NBEAL1: variants seen among roughly 807,000 people sequenced by gnomAD.
NBEAL1 encodes the protein neurobeachin like 1, also known as neurobeachin-like protein 1.
A neutral mutation model predicts 351.3 loss-of-function variants in NBEAL1; 273 were observed. The observed-to-expected ratio is 0.78, with a 90% CI of 0.70 to 0.86. The LOEUF (loss-of-function observed/expected upper bound fraction) is 0.86, where lower values mean the gene tolerates loss of function less well. NBEAL1 is among the 40% of genes least tolerant of loss of function. The pLI is 0.00. For missense variants in NBEAL1, 2,961 were observed against 3,201.3 expected, an observed-to-expected ratio of 0.92 and a Z score of 1.81; for synonymous variants, 1,050 against 1,086.4, an observed-to-expected ratio of 0.97 and a Z score of 0.66.
intron 6 of NBEAL1, among the ~76,000 whole-genome samples, chr2:203,064,701 A>T (rs2061553189): frequency 6.6e-6 from 1 of 152,206 alleles, no homozygotes; most frequent in African/African-American, 2.4e-5. Flanking sequence ...AATGTTTCAG[A>T]TTAAAAGAGG....
At chr2:203,193,135 C>A (rs1473001267) in intron 46 of NBEAL1, among the ~76,000 whole-genome samples, 2 of 151,782 alleles carry the variant, frequency 1.3e-5, no homozygotes, top group East Asian at 1.9e-4. Flanking sequence ...CTACGCCTGA[C>A]CAATTTTTGT....
chr2:203,160,476 A>G (rs1000343910), intron 36 of NBEAL1, among the ~76,000 whole-genome samples: 2 of 152,078 alleles, frequency 1.3e-5, no homozygotes, highest in Non-Finnish European at 2.9e-5. Flanking sequence ...TTCTTTAAAC[A>G]TAGTTTCCTT....
At chr2:203,055,051 G>T (rs2061383577) in intron 4 of NBEAL1, among the ~76,000 whole-genome samples, 1 of 152,170 alleles carries the variant, frequency 6.6e-6, no homozygotes, top group Non-Finnish European at 1.5e-5. Context: ...GGATCTAAAT[G>T]CAGGTCTCAT....
At chr2:203,174,888 A>AATAT (rs2064447082) in intron 41 of NBEAL1, among the ~76,000 whole-genome samples, 3 of 151,004 alleles carry the variant, frequency 2.0e-5, no homozygotes, top group African/African-American at 7.3e-5. Flanking sequence ...TAAATAAATA[A>AATAT]ATAAATAAAA....
chr2:203,107,401 T>G lies in NBEAL1; in HGVS notation c.1270-19T>G. The G allele has an allele frequency of 7.8e-7, 1 of 1,285,540 alleles. No homozygotes were observed. Among genetic ancestry groups the G allele is most frequent in the Non-Finnish European group, 1.1e-6 (1 of 914,792 alleles). 79.6% of individuals were successfully genotyped at this position (1,285,540 alleles called of 1,614,324 possible). Reference sequence around the variant, plus strand: ...GTCTTTGAAAATGTACTTTGATATATTGTCTTCCCATCCCCTAGGAAGTAT... The same window carrying G: ...GTCTTTGAAAATGTACTTTGATATAGTGTCTTCCCATCCCCTAGGAAGTAT... On this transcript the variant is annotated intron_variant, in intron 12 of 55. Coordinates refer to ENST00000683969, the MANE Select transcript of NBEAL1 (RefSeq NM_001378026.1).
chr2:203,083,263 T>C lies in NBEAL1; in HGVS notation c.729T>C (p.Leu243=). The C allele has an allele frequency of 1.3e-6, 2 of 1,552,138 alleles. No individual in the cohort carries two copies. The highest frequency in any genetic ancestry group is 1.7e-6 in the Non-Finnish European group (2 of 1,147,106). ...QAISPATMEV[L]MRVLADCDSW... is the part of the protein sequence containing the mutation. ...TTTCTCCAGCCACTATGGAAGTTCTTATGCGAGTATTGGCAGATTGTGATT... is the reference window on the plus strand; with the variant it reads ...TTTCTCCAGCCACTATGGAAGTTCTCATGCGAGTATTGGCAGATTGTGATT... Residue 243 remains leucine, a synonymous_variant, in exon 9 of 56, where the codon CTT becomes CTC. Transcript: ENST00000683969.
At chr2:203,075,985 T>C (rs747560591) in intron 7 of NBEAL1, among the ~76,000 whole-genome samples, 20 of 152,226 alleles carry the variant, frequency 1.3e-4, no homozygotes, top group Non-Finnish European at 2.5e-4. Flanking sequence ...TAACATTTGT[T>C]ATTGGAAATA....
chr2:203,027,865 C>T (rs922121023), intron 2 of NBEAL1, among the ~76,000 whole-genome samples: 1 of 151,890 alleles, frequency 6.6e-6, no homozygotes. Flanking sequence ...GTGTGTGCCA[C>T]CACACCTGGC....
At chr2:203,105,198 C>T (rs1375827277) in intron 12 of NBEAL1, among the ~76,000 whole-genome samples, 3 of 151,864 alleles carry the variant, frequency 2.0e-5, no homozygotes, top group African/African-American at 7.2e-5. Context: ...CGCAGTCGCT[C>T]ACACCTGTGA....
chr2:203,181,693 C>T (rs1239358396), intron 43 of NBEAL1: 1 of 152,068 alleles, frequency 6.6e-6, no homozygotes, highest in East Asian at 1.9e-4. Flanking sequence ...ATTTGTCATA[C>T]TGTGGAGAAT....
In NBEAL1 at chr2:203,167,216, T is replaced by C. The variant is rs1161498596; in HGVS notation, c.5864-11T>C. ...ATGGTATCTCAGTCACAAGATTTCT[T>C]CCGTTTTCAGGAGTAGGCTTTGATT... On this transcript the variant is annotated splice_polypyrimidine_tract_variant and intron_variant, in intron 37 of 55. Transcript: ENST00000683969. 1.3e-6 allele frequency: 2 copies of C among 1,598,554 alleles called. No homozygotes were observed. The highest frequency in any genetic ancestry group is 1.4e-5 in the African/African-American group (1 of 74,016).
chr2:203,096,248 G>A (rs572246861), intron 10 of NBEAL1, among the ~76,000 whole-genome samples: 1 of 152,084 alleles, frequency 6.6e-6, no homozygotes, highest in African/African-American at 2.4e-5. Context: ...TCAAACTCAG[G>A]TCTCTGATTC....
chr2:203,052,832 C>T (rs1264496252), intron 4 of NBEAL1, among the ~76,000 whole-genome samples: 4 of 151,774 alleles, frequency 2.6e-5, no homozygotes, highest in East Asian at 1.9e-4. Flanking sequence ...GTGATCCTTC[C>T]GCCTTGACCT....
At chr2:203,171,446 A>G (rs1206628983) in intron 39 of NBEAL1, among the ~76,000 whole-genome samples, 1 of 152,080 alleles carries the variant, frequency 6.6e-6, no homozygotes, top group Non-Finnish European at 1.5e-5. Flanking sequence ...CTCTACAAAT[A>G]GTTTAAAAAA....
rs1303201902 is a variant in NBEAL1 at position 203,209,309 on chromosome 2, A to G, written c.7772A>G (p.Lys2591Arg). ...HIVVYSSTEE[K>R]TTLKDKNALH... ...GTTGTCTACTCCAGCACTGAAGAAA[A>G]GACCACCCTCAAGGTATATGACCTT... Residue 2591 changes from lysine to arginine, a missense_variant, in exon 53 of 56, where the codon AAG becomes AGG. Transcript: ENST00000683969. 5 of 1,613,614 alleles carry G rather than the reference A, an allele frequency of 3.1e-6. No individual in the cohort carries two copies. The Admixed American group carries it at 8.3e-5, about 27-fold the overall frequency.
chr2:203,108,766 G>T (rs904383735), intron 14 of NBEAL1, among the ~76,000 whole-genome samples: 1 of 152,126 alleles, frequency 6.6e-6, no homozygotes, highest in Admixed American at 6.6e-5. Flanking sequence ...CCTTGAAAAT[G>T]GGCCAGGTGT....
intron 17 of NBEAL1, 47 bp downstream of exon 17, chr2:203,113,365 T>G (rs2062615695): frequency 1.8e-6 from 2 of 1,104,244 alleles, no homozygotes; most frequent in Admixed American, 3.8e-5. Context: ...GAGTTTTTTT[T>G]GTTGTCTAAA....
intron 12 of NBEAL1, among the ~76,000 whole-genome samples, chr2:203,100,548 C>CT (rs201429973): frequency 0.45 from 61,553 of 137,220 alleles, 15,768 homozygotes; most frequent in Middle Eastern, 0.65. Flanking sequence ...GTTTTCTTTT[C>CT]TTTTTTTTTT....
intron 36 of NBEAL1, 31 bp from the exon 37 acceptor site, chr2:203,166,118 T>A: frequency 6.6e-7 from 1 of 1,511,620 alleles, no homozygotes; most frequent in Non-Finnish European, 8.8e-7. Context: ...ATGGTTGAAT[T>A]TTTCTGTTTA....
Sources: gnomAD v4.1 joint callset for allele counts (sites outside exome capture counted in the v4.1 genomes callset) on GRCh38, gnomAD v4.1.1 for gene constraint, MANE v1.5 for transcripts, NCBI Gene and HGNC (gene_info 2026-07-23, HGNC 2026-07-21) for gene names.